Variants in RGS6 observed in about 807,000 individuals in gnomAD.
RGS6 encodes regulator of G-protein signaling 6.
RGS6 carries 30 observed loss-of-function variants against 78.5 expected under a neutral mutation model. The observed-to-expected ratio is 0.38, with a 90% CI of 0.29 to 0.52. The LOEUF is 0.52. RGS6 is among the 20% of genes least tolerant of loss of function. RGS6 has a pLI of 0.85. For synonymous variants in RGS6, 206 were observed against 206.0 expected, an observed-to-expected ratio of 1.00 and a Z score of 0.00; for missense variants, 495 against 609.7, an observed-to-expected ratio of 0.81 and a Z score of 1.98.
In RGS6 at chr14:72,031,460, G is replaced by A. The variant is rs142505978; in HGVS notation, c.84+66585G>A. On this transcript the variant is annotated intron_variant, in intron 2 of 17. Coordinates refer to ENST00000553525, the MANE Select transcript of RGS6 (RefSeq NM_001204424.2). ...ATATAATTGACATATTTCCCATGGA[G>A]TAAAAACACTATTTAGATGCTTGTG... is the stretch of plus-strand genomic sequence containing the variant. Among the ~76,000 whole-genome samples, 878 of 152,222 alleles carry A rather than the reference G, an allele frequency of 5.8e-3. 6 individuals carry two copies. Among genetic ancestry groups the A allele is most frequent in the South Asian group, 7.7e-3 (37 of 4,820 alleles).
intron 2 of RGS6, among the ~76,000 whole-genome samples, chr14:72,004,234 G>A (rs573656757): frequency 2.0e-5 from 3 of 152,074 alleles, no homozygotes; most frequent in African/African-American, 4.8e-5. Context: ...ATTTACTGAC[G>A]TTGTAGTTCT....
intron 2 of RGS6, among the ~76,000 whole-genome samples, chr14:72,240,139 C>T (rs531054842): frequency 6.6e-6 from 1 of 152,288 alleles, no homozygotes; most frequent in South Asian, 2.1e-4. Flanking sequence ...TAACCCCCAC[C>T]CTCTAACGGT....
In RGS6 at chr14:72,418,893, C is replaced by G. The variant is rs1405031768; in HGVS notation, c.185-35635C>G. Among the ~76,000 whole-genome samples the G allele has an allele frequency of 1.3e-5, 2 of 152,186 alleles. 1 individual carries two copies. The highest frequency in any genetic ancestry group is 6.3e-3 in the Middle Eastern group (2 of 316). ...TGAGAGGGTCCAGGAGGACACACAC[C>G]ATATCAAATTGTGCAATTTAGCAAA... On this transcript the variant is annotated intron_variant, in intron 3 of 17. Coordinates refer to ENST00000553525, the MANE Select transcript of RGS6 (RefSeq NM_001204424.2).
intron 3 of RGS6, among the ~76,000 whole-genome samples, chr14:72,404,499 A>G (rs2092748292): frequency 6.6e-6 from 1 of 152,142 alleles, no homozygotes; most frequent in African/African-American, 2.4e-5. Flanking sequence ...CTCTGCTGCC[A>G]ACCATTATGT....
chr14:72,546,345 C>T (rs1177208196), intron 17 of RGS6, among the ~76,000 whole-genome samples: 1 of 152,140 alleles, frequency 6.6e-6, no homozygotes, highest in Non-Finnish European at 1.5e-5. Context: ...TGTAAAACAA[C>T]AGACTCAGTA....
chr14:72,269,567 A>ATTTTTTTT (rs56171281), intron 2 of RGS6, among the ~76,000 whole-genome samples: 1 of 120,334 alleles, frequency 8.3e-6, no homozygotes. Flanking sequence ...CCTATCTTAA[A>ATTTTTTTT]TTTTTTTTTT....
At chr14:72,506,493 T>A (rs2096801430) in intron 13 of RGS6, among the ~76,000 whole-genome samples, 1 of 152,204 alleles carries the variant, frequency 6.6e-6, no homozygotes. Context: ...CATGTTCAAG[T>A]CTTTTCTTAA....
At chr14:72,506,521 A>G (rs1466543471) in intron 13 of RGS6, among the ~76,000 whole-genome samples, 8 of 152,218 alleles carry the variant, frequency 5.3e-5, no homozygotes, top group African/African-American at 1.7e-4. Context: ...AGTGGATGAT[A>G]TTGGGAATAC....
Position 72,352,127 on chromosome 14 carries a change from C to T in RGS6, c.117C>T (p.Asp39=), listed in dbSNP as rs2079213113. 1.9e-6 allele frequency: 3 copies of T among 1,613,256 alleles called. No individual in the cohort carries two copies. In the African/African-American group the frequency reaches 4.0e-5, roughly 22 times the overall value. ...IEDIITKMQD[D]KTGGVPIRTV... is the part of the protein sequence containing the mutation. ...ACATCATTACAAAGATGCAAGATGACAAGACAGGGGGTGTGCCCATCAGAA... is the reference window on the plus strand; with the variant it reads ...ACATCATTACAAAGATGCAAGATGATAAGACAGGGGGTGTGCCCATCAGAA... Residue 39 remains aspartate, a synonymous_variant, in exon 3 of 18, where the codon GAC becomes GAT. Transcript: ENST00000553525.
At chr14:72,569,644 C>G (rs939500468), downstream of RGS6, among the ~76,000 whole-genome samples, 1 of 139,158 alleles carries the variant, frequency 7.2e-6, no homozygotes, top group Non-Finnish European at 1.6e-5. Flanking sequence ...CACACAGTTG[C>G]TGGCTGGGCG....
chr14:72,587,498 T>C, the RGS6 span, among the ~76,000 whole-genome samples: 1 of 152,200 alleles, frequency 6.6e-6, no homozygotes, highest in Non-Finnish European at 1.5e-5. Context: ...GCCCATTTCC[T>C]GATGCAGGTA....
chr14:71,941,052 T>C (rs983434049), intron 1 of RGS6, among the ~76,000 whole-genome samples: 2 of 152,220 alleles, frequency 1.3e-5, no homozygotes, highest in Non-Finnish European at 1.5e-5. Flanking sequence ...TTAGCAGATT[T>C]GAGGCTCAGT....
chr14:72,557,907 G>C (rs1295280828), intron 17 of RGS6, among the ~76,000 whole-genome samples: 1 of 152,170 alleles, frequency 6.6e-6, no homozygotes, highest in Non-Finnish European at 1.5e-5. Context: ...CCAAACCCAG[G>C]GATGGGCCCA....
intron 2 of RGS6, among the ~76,000 whole-genome samples, chr14:72,110,942 C>A (rs2095747263): frequency 6.6e-6 from 1 of 152,122 alleles, no homozygotes; most frequent in Admixed American, 6.6e-5. Context: ...CCTCTAGAAT[C>A]CATTGCACAT....
At chr14:72,050,829 C>G (rs1464931851) in intron 2 of RGS6, among the ~76,000 whole-genome samples, 1 of 152,186 alleles carries the variant, frequency 6.6e-6, no homozygotes, top group Non-Finnish European at 1.5e-5. Flanking sequence ...TATGCAGATT[C>G]TGCAGGTGGA....
Position 72,196,863 on chromosome 14 carries a change from T to A in RGS6, c.85-155232T>A, listed in dbSNP as rs535230813. ...CAAGGCTGATGTAGCCGCTTCATGC[T>A]AAGTGTTGATGGGAAACCTGAAGCT... On this transcript the variant is annotated intron_variant, in intron 2 of 17. Transcript: ENST00000553525. Among the ~76,000 whole-genome samples the A allele has an allele frequency of 2.6e-4, 40 of 152,334 alleles. No individual in the cohort carries two copies. The South Asian group carries it at 5.4e-3, about 21-fold the overall frequency.
intron 2 of RGS6, among the ~76,000 whole-genome samples, chr14:72,171,328 C>T (rs2097014720): frequency 6.6e-6 from 1 of 152,106 alleles, no homozygotes; most frequent in Non-Finnish European, 1.5e-5. Context: ...AGAGGAATGA[C>T]AGCTTTTATT....
At chr14:71,876,473 CTTTTT>C in the RGS6 span, among the ~76,000 whole-genome samples, 7 of 72,482 alleles carry the variant, frequency 9.7e-5, no homozygotes, top group Admixed American at 1.9e-4. Flanking sequence ...GCAACCGCTG[CTTTTT>C]TTTTTTTTTT....
intron 2 of RGS6, among the ~76,000 whole-genome samples, chr14:72,322,259 C>T (rs999486445): frequency 3.3e-5 from 5 of 151,872 alleles, no homozygotes; most frequent in African/African-American, 9.7e-5. Flanking sequence ...TAAGTTAGCT[C>T]TTTATGAAAA....
Sources: allele counts gnomAD v4.1 joint callset (sites outside exome capture counted in the v4.1 genomes callset), GRCh38; gene constraint gnomAD v4.1.1; transcripts MANE v1.5; gene names NCBI Gene and HGNC (gene_info 2026-07-23, HGNC 2026-07-21).